The following NRXN3 variants were observed in gnomAD, a reference collection of about 807,000 sequenced individuals.
NRXN3 encodes neurexin III.
In NRXN3, 32 loss-of-function variants were observed where a neutral mutation model predicts 137.6. That is an observed-to-expected ratio of 0.23 (90% CI 0.18 to 0.31). NRXN3 has a LOEUF of 0.31. Ranked by LOEUF, NRXN3 falls within the 10% of genes least tolerant of loss-of-function variation. The pLI is 1.00. For missense variants in NRXN3, 1,574 were observed against 2,062.5 expected, an observed-to-expected ratio of 0.76 and a Z score of 4.59; for synonymous variants, 798 against 784.5, an observed-to-expected ratio of 1.02 and a Z score of -0.29.
At chr14:79,019,884 G>T (rs893277508) in intron 15 of NRXN3, among the ~76,000 whole-genome samples, 1 of 152,156 alleles carries the variant, frequency 6.6e-6, no homozygotes, top group African/African-American at 2.4e-5. Context: ...ACCAGAGAGA[G>T]AAATGGATTG....
At chr14:78,980,502 C>T (rs1205900824) in intron 14 of NRXN3, among the ~76,000 whole-genome samples, 1 of 152,096 alleles carries the variant, frequency 6.6e-6, no homozygotes, top group African/African-American at 2.4e-5. Context: ...GACCTACAAA[C>T]AATAAAAAAT....
intron 2 of NRXN3, among the ~76,000 whole-genome samples, chr14:78,244,486 G>A (rs2067405128): frequency 6.6e-6 from 1 of 151,616 alleles, no homozygotes; most frequent in Admixed American, 6.6e-5. Flanking sequence ...TGTCTCTCCT[G>A]AGCCCTTGAG....
chr14:79,691,768 G>A (rs569806927), intron 17 of NRXN3, among the ~76,000 whole-genome samples: 15 of 152,150 alleles, frequency 9.9e-5, no homozygotes, highest in Admixed American at 5.9e-4. Flanking sequence ...TGCAGCTTGC[G>A]TGACTGTGGA....
chr14:79,822,232 C>A (rs1277744116), intron 20 of NRXN3, among the ~76,000 whole-genome samples: 1 of 152,142 alleles, frequency 6.6e-6, no homozygotes, highest in Non-Finnish European at 1.5e-5. Context: ...ATTAAGCAAC[C>A]TAGAGTACTG....
At position 79,791,459 on chromosome 14, in the gene NRXN3, TATA is replaced by T. The variant is rs981688010; in HGVS notation, c.4015-13644_4015-13642del. ...AAATTTTTATTTTATAATAAATAAT[TATA>T]ATAATAATTATATATTGTAATAATT... On this transcript the variant is annotated intron_variant, in intron 19 of 20. Coordinates refer to ENST00000335750, the MANE Select transcript of NRXN3 (RefSeq NM_001330195.2). 3.4e-5 allele frequency among the ~76,000 whole-genome samples: 5 copies of T among 146,854 alleles called. No individual in the cohort carries two copies. The South Asian group carries it at 6.3e-4, about 18-fold the overall frequency.
rs981241110 is a variant in NRXN3, at chr14:79,284,404, T to C, written c.3263-182817T>C. Reference sequence around the variant, plus strand: ...TATATATGTATCTCCAATGTACATCTGCCTAAAAAATGCTTCAGTATTTAT... The same window carrying C: ...TATATATGTATCTCCAATGTACATCCGCCTAAAAAATGCTTCAGTATTTAT... On this transcript the variant is annotated intron_variant, in intron 15 of 20. Coordinates refer to ENST00000335750, the MANE Select transcript of NRXN3 (RefSeq NM_001330195.2). Among the ~76,000 whole-genome samples the C allele has an allele frequency of 2.9e-5, 4 of 138,156 alleles. No homozygotes were observed. In the East Asian group the frequency reaches 8.7e-4, roughly 30 times the overall value. 90.6% of individuals were successfully genotyped at this position (138,156 alleles called of 152,430 possible). A position where few individuals can be genotyped will look rare whatever the true frequency, so the allele number is the denominator to read the frequency against.
chr14:79,799,732 G>A (rs1250614237), intron 19 of NRXN3, among the ~76,000 whole-genome samples: 2 of 152,094 alleles, frequency 1.3e-5, no homozygotes, highest in Non-Finnish European at 2.9e-5. Flanking sequence ...CTGTCCCTGA[G>A]GGCTCATTTC....
chr14:78,730,409 A>AT (rs199535178), intron 8 of NRXN3, among the ~76,000 whole-genome samples: 4 of 151,016 alleles, frequency 2.6e-5, no homozygotes, highest in South Asian at 2.1e-4. Context: ...ATTCTTCATT[A>AT]TTTTTTTCCC....
At chr14:78,382,690 C>T (rs748509219) in intron 4 of NRXN3, among the ~76,000 whole-genome samples, 1 of 152,218 alleles carries the variant, frequency 6.6e-6, no homozygotes, top group Non-Finnish European at 1.5e-5. Context: ...TTGGCACGTG[C>T]TCATGGCTAC....
At chr14:79,141,958 T>A (rs180923040) in intron 15 of NRXN3, among the ~76,000 whole-genome samples, 1 of 152,288 alleles carries the variant, frequency 6.6e-6, no homozygotes, top group Non-Finnish European at 1.5e-5. Flanking sequence ...CATCAGCTTC[T>A]ATTGAGAATC....
intron 16 of NRXN3, among the ~76,000 whole-genome samples, chr14:79,488,453 A>G (rs1158784913): frequency 6.6e-6 from 1 of 152,228 alleles, no homozygotes; most frequent in Non-Finnish European, 1.5e-5. Context: ...AGGAAATATA[A>G]GAATATTTTG....
At chr14:79,577,955 C>A (rs545538108) in intron 16 of NRXN3, among the ~76,000 whole-genome samples, 1 of 152,134 alleles carries the variant, frequency 6.6e-6, no homozygotes, top group African/African-American at 2.4e-5. Context: ...CTTCAGAAAT[C>A]CAGGTGCATT....
intron 10 of NRXN3, 55 bp downstream of exon 10, chr14:78,810,399 CTT>C: frequency 1.2e-6 from 1 of 814,038 alleles, no homozygotes; most frequent in Non-Finnish European, 1.8e-6. Context: ...ACAAAACTGA[CTT>C]TATTTTGTTT....
At chr14:79,368,973 C>T (rs1391903694) in intron 15 of NRXN3, among the ~76,000 whole-genome samples, 2 of 152,170 alleles carry the variant, frequency 1.3e-5, no homozygotes, top group African/African-American at 4.8e-5. Flanking sequence ...CAGTCACATT[C>T]AAACTATCAG....
intron 16 of NRXN3, among the ~76,000 whole-genome samples, chr14:79,602,496 A>C (rs1476180054): frequency 1.3e-5 from 2 of 151,964 alleles, no homozygotes; most frequent in Admixed American, 1.3e-4. Flanking sequence ...CTCTTCAGTT[A>C]TTTCTACCTG....
intron 16 of NRXN3, among the ~76,000 whole-genome samples, chr14:79,556,011 C>G (rs1054558150): frequency 6.6e-6 from 1 of 152,068 alleles, no homozygotes; most frequent in African/African-American, 2.4e-5. Flanking sequence ...ACAAATTGCC[C>G]CAGAAAGAGA....
intron 20 of NRXN3, among the ~76,000 whole-genome samples, chr14:79,816,461 C>T (rs1291441211): frequency 6.6e-6 from 1 of 152,172 alleles, no homozygotes; most frequent in Non-Finnish European, 1.5e-5. Context: ...ATTAGAACTC[C>T]TGATTACTCT....
At chr14:78,192,151 G>A (rs1473585649) in intron 1 of NRXN3, among the ~76,000 whole-genome samples, 5 of 152,006 alleles carry the variant, frequency 3.3e-5, no homozygotes, top group African/African-American at 9.7e-5. Flanking sequence ...AGTGCAGGGT[G>A]TGTGTTGTCA....
intron 15 of NRXN3, among the ~76,000 whole-genome samples, chr14:79,287,907 A>G (rs1263625680): frequency 1.3e-5 from 2 of 152,326 alleles, no homozygotes; most frequent in African/African-American, 4.8e-5. Context: ...TTAATACCAT[A>G]GCTGGGGAAA....
Sources: gnomAD v4.1 joint callset for allele counts (sites outside exome capture counted in the v4.1 genomes callset) on GRCh38, gnomAD v4.1.1 for gene constraint, MANE v1.5 for transcripts, NCBI Gene and HGNC (gene_info 2026-07-23, HGNC 2026-07-21) for gene names.